RPAIN: variants seen among roughly 807,000 people sequenced by gnomAD.
RPAIN encodes RPA-interacting protein.
RPAIN carries 29 observed loss-of-function variants against 30.5 expected under a neutral mutation model. The ratio of observed to expected loss-of-function variants is 0.95; its 90% confidence interval spans 0.71 to 1.30. The LOEUF is 1.30. Ranked by LOEUF, RPAIN falls within the 50% of genes most tolerant of loss-of-function variation. RPAIN has a pLI of 0.00. For missense variants in RPAIN, 247 were observed against 264.7 expected (o/e 0.93, Z 0.46); for synonymous variants, 101 against 93.5 (o/e 1.08, Z -0.46).
rs1329561431 is a variant in RPAIN at position 5,421,497 on chromosome 17, G to A, written c.252+31G>A. ...GCTGGGCTATGTGTTTTCAGGGAGG[G>A]GGACTGCACCACCAAGAACGGCTCG... is the stretch of plus-strand genomic sequence containing the variant. On this transcript the variant is annotated intron_variant, in intron 2 of 6. Coordinates refer to ENST00000381209, the MANE Select transcript of RPAIN (RefSeq NM_001033002.4). The A allele has an allele frequency of 1.9e-6, 3 of 1,603,528 alleles. No individual in the cohort carries two copies. The African/African-American group carries it at 4.0e-5, about 22-fold the overall frequency.
rs899022729 is a variant in RPAIN, at chr17:5,420,419, C to A, written c.81+128C>A. 8.3e-6 allele frequency: 6 copies of A among 720,380 alleles called. No homozygotes were observed. The Admixed American group carries it at 1.1e-4, about 13-fold the overall frequency. 44.6% of individuals were successfully genotyped at this position (720,380 alleles called of 1,614,324 possible). On this transcript the variant is annotated intron_variant, in intron 1 of 6. Transcript: ENST00000381209. ...GCGCCTGGTCTGGTCAAACCCAGGCCTGCTGACTGTAGAGTGTGGGATTAG... is the reference window on the plus strand; with the variant it reads ...GCGCCTGGTCTGGTCAAACCCAGGCATGCTGACTGTAGAGTGTGGGATTAG...
At chr17:5,429,258 G>T (rs1164134948) in intron 6 of RPAIN, 5 of 985,340 alleles carry the variant, frequency 5.1e-6, no homozygotes, top group Non-Finnish European at 4.8e-6. Flanking sequence ...TGGCCTTGAA[G>T]CATGGAATCG....
At chr17:5,420,367 C>T (rs897359011) in intron 1 of RPAIN, 76 bp downstream of exon 1, 1 of 1,323,774 alleles carries the variant, frequency 7.6e-7, no homozygotes, top group African/African-American at 1.4e-5. Flanking sequence ...TCGCCTTAGC[C>T]CTGCTCCGTG....
rs7222862 is a variant in RPAIN, at chr17:5,421,323, C to A, written c.109C>A (p.Arg37=). ...ATGCCTGGAGAGAATGAGAAACAGC[C>A]GGGACAGGCTCCTAAACAGGTACCG... ...QRCLERMRNS[R]DRLLNRYRQA... is the part of the protein sequence containing the mutation. The change falls in exon 2 of 7, where the codon CGG becomes AGG. Residue 37 remains arginine (R), a synonymous_variant. Coordinates refer to ENST00000381209, the MANE Select transcript of RPAIN (RefSeq NM_001033002.4). 2.5e-6 allele frequency: 4 copies of A among 1,613,180 alleles called. No individual in the cohort carries two copies. In the East Asian group the frequency reaches 8.9e-5, roughly 36 times the overall value.
At position 5,422,760 on chromosome 17, in the gene RPAIN, C is replaced by T. The variant is rs1162848019; in HGVS notation, c.253-9C>T. ...TTCAAACTTCTGATGCCGCTCCTTT[C>T]TCTTCCAGCTGGAGGAGCTGATAGA... is the stretch of plus-strand genomic sequence containing the variant. On this transcript the variant is annotated splice_polypyrimidine_tract_variant and intron_variant, in intron 2 of 6. Transcript: ENST00000381209. The T allele has an allele frequency of 1.2e-6, 2 of 1,612,526 alleles. No individual in the cohort carries two copies. Among genetic ancestry groups the T allele is most frequent in the African/African-American group, 1.3e-5 (1 of 74,890 alleles).
At chr17:5,423,169 T>C (rs1915041222) in intron 3 of RPAIN, 1 of 188,878 alleles carries the variant, frequency 5.3e-6, no homozygotes, top group Non-Finnish European at 1.1e-5. Flanking sequence ...ATCAGTTGTA[T>C]GAATCCAGTT....
intron 6 of RPAIN, chr17:5,429,537 G>C (rs1915711187): frequency 1.0e-6 from 1 of 985,290 alleles, no homozygotes; most frequent in African/African-American, 1.7e-5. Context: ...TGTGGTTCCA[G>C]TGCCCCTGCT....
rs1291141044 is a variant in RPAIN, at chr17:5,432,613, C to G, written c.*42C>G. The G allele has an allele frequency of 6.3e-7, 1 of 1,576,644 alleles. No homozygotes were observed. The highest frequency in any genetic ancestry group is 1.4e-5 in the African/African-American group (1 of 74,016). On this transcript the variant is annotated 3_prime_UTR_variant, in exon 7 of 7. Transcript: ENST00000381209. ...CATCATTCTATGGGGTTGAAGACAA[C>G]TCATTCCCTCTGAGGAGCCTTGTAC...
chr17:5,431,733 C>G, intron 6 of RPAIN: 1 of 436,614 alleles, frequency 2.3e-6, no homozygotes, highest in Non-Finnish European at 4.6e-6. Flanking sequence ...TATCACAAGA[C>G]GAGGAATGTT....
At chr17:5,428,010 G>T (rs536816251) in intron 5 of RPAIN, 61 bp from the exon 6 acceptor site, 17 of 1,546,878 alleles carry the variant, frequency 1.1e-5, no homozygotes, top group Non-Finnish European at 1.5e-5. Context: ...TGAGGAATGA[G>T]GATTTTCCAT....
At chr17:5,429,487 T>C (rs1915706072) in intron 6 of RPAIN, 1 of 983,942 alleles carries the variant, frequency 1.0e-6, no homozygotes, top group Non-Finnish European at 1.2e-6. Flanking sequence ...AAAATTTTAC[T>C]ACTAATAAGC....
At chr17:5,421,513 G>A (rs770150419) in intron 2 of RPAIN, 47 bp downstream of exon 2, 2 of 1,569,190 alleles carry the variant, frequency 1.3e-6, no homozygotes, top group Non-Finnish European at 1.7e-6. Flanking sequence ...GCACCACCAA[G>A]AACGGCTCGT....
At chr17:5,424,007 A>G (rs1210933769) in intron 3 of RPAIN, among the ~76,000 whole-genome samples, 7 of 135,702 alleles carry the variant, frequency 5.2e-5, no homozygotes, top group African/African-American at 1.9e-4. Flanking sequence ...TTTTTTTTTG[A>G]GATAGGTTCT....
At chr17:5,432,222 A>G in intron 6 of RPAIN, 1 of 309,004 alleles carries the variant, frequency 3.2e-6, no homozygotes. Flanking sequence ...CCAGGCTATC[A>G]AGAGTTTGAA....
intron 6 of RPAIN, chr17:5,428,447 C>A (rs531990619): frequency 1.4e-6 from 2 of 1,438,600 alleles, no homozygotes; most frequent in South Asian, 1.5e-5. Flanking sequence ...GGAGTTAGGA[C>A]GCCTGGCTCC....
chr17:5,431,479 T>G (rs1597347204), intron 6 of RPAIN: 2 of 226,850 alleles, frequency 8.8e-6, no homozygotes, highest in Admixed American at 4.9e-5. Context: ...AGCGAGATTG[T>G]GCCTTAAAAA....
intron 6 of RPAIN, 105 bp downstream of exon 6, chr17:5,428,316 A>G (rs1415138707): frequency 6.4e-7 from 1 of 1,573,842 alleles, no homozygotes; most frequent in African/African-American, 1.4e-5. Context: ...TGTTTAATGC[A>G]GTTTATTATC....
At chr17:5,424,765 C>A (rs981170496) in intron 3 of RPAIN, among the ~76,000 whole-genome samples, 2 of 152,174 alleles carry the variant, frequency 1.3e-5, no homozygotes, top group East Asian at 3.8e-4. Flanking sequence ...AAGTGCCATG[C>A]AAGTGTTAGT....
intron 5 of RPAIN, 148 bp downstream of exon 5, chr17:5,426,447 C>A: frequency 2.7e-6 from 2 of 738,140 alleles, no homozygotes; most frequent in Non-Finnish European, 2.4e-6. Flanking sequence ...TTCAAATCAG[C>A]CATGGTGAGA....
Sources: allele counts gnomAD v4.1 joint callset (sites outside exome capture counted in the v4.1 genomes callset), GRCh38; gene constraint gnomAD v4.1.1; transcripts MANE v1.5; gene names NCBI Gene and HGNC (gene_info 2026-07-23, HGNC 2026-07-21).